LRBA: variants seen among roughly 807,000 people sequenced by gnomAD.
LRBA encodes lipopolysaccharide-responsive and beige-like anchor protein.
In LRBA, 176 loss-of-function variants were observed where a neutral mutation model predicts 330.0. The ratio of observed to expected loss-of-function variants is 0.53; its 90% confidence interval spans 0.47 to 0.60. The LOEUF (loss-of-function observed/expected upper bound fraction) is 0.60. Among genes scored for constraint, LRBA ranks in the 20% least tolerant of loss-of-function variants. LRBA has a pLI of 0.00. For missense variants in LRBA, 3,259 were observed against 3,444.8 expected, an observed-to-expected ratio of 0.95 and a Z score of 1.35; for synonymous variants, 1,230 against 1,193.0, an observed-to-expected ratio of 1.03 and a Z score of -0.64.
At chr4:150,572,810 T>C (rs1256242814) in intron 40 of LRBA, among the ~76,000 whole-genome samples, 1 of 152,144 alleles carries the variant, frequency 6.6e-6, no homozygotes, top group Non-Finnish European at 1.5e-5. Flanking sequence ...GCTACTGTTC[T>C]GGAGCTCATT....
chr4:150,644,321 C>G (rs878969772), intron 37 of LRBA, among the ~76,000 whole-genome samples: 1 of 151,814 alleles, frequency 6.6e-6, no homozygotes, highest in Non-Finnish European at 1.5e-5. Flanking sequence ...AACAAATTAT[C>G]TCATCAAAAC....
chr4:150,439,336 C>T (rs558802749), intron 44 of LRBA, among the ~76,000 whole-genome samples: 43 of 142,114 alleles, frequency 3.0e-4, no homozygotes, highest in South Asian at 1.3e-3. Flanking sequence ...TCACTAGCAT[C>T]TGAAAAAAAA....
intron 36 of LRBA, among the ~76,000 whole-genome samples, chr4:150,701,271 A>C (rs1367904206): frequency 1.3e-5 from 2 of 152,188 alleles, no homozygotes; most frequent in Non-Finnish European, 2.9e-5. Context: ...TACCTCTTGA[A>C]AGACCTGACT....
At chr4:150,648,158 CAAA>C in intron 37 of LRBA, among the ~76,000 whole-genome samples, 211 of 18,118 alleles carry the variant, frequency 0.012, 13 homozygotes, top group Admixed American at 0.043. Flanking sequence ...ACACAAGTAG[CAAA>C]AAAAAAAAAA....
chr4:150,322,698 A>G (rs1177395882), intron 49 of LRBA, among the ~76,000 whole-genome samples: 2 of 152,210 alleles, frequency 1.3e-5, no homozygotes, highest in Non-Finnish European at 1.5e-5. Context: ...AAGGCAACTA[A>G]TAAGCTACCC....
At chr4:150,669,861 C>T (rs1037627980) in intron 37 of LRBA, among the ~76,000 whole-genome samples, 1 of 152,060 alleles carries the variant, frequency 6.6e-6, no homozygotes, top group African/African-American at 2.4e-5. Context: ...CAACTGTGTC[C>T]GGCCAATATT....
At chr4:150,726,771 T>C (rs1037728645) in intron 36 of LRBA, among the ~76,000 whole-genome samples, 4 of 152,080 alleles carry the variant, frequency 2.6e-5, no homozygotes, top group African/African-American at 9.7e-5. Context: ...ATGGGGATCA[T>C]AGGTCCCTCC....
At chr4:150,842,569 C>A (rs1450995611) in intron 28 of LRBA, among the ~76,000 whole-genome samples, 1 of 152,112 alleles carries the variant, frequency 6.6e-6, no homozygotes, top group Non-Finnish European at 1.5e-5. Context: ...ACATTTGGTC[C>A]TCAAACTGAC....
chr4:150,769,165 G>A (rs566150335), intron 34 of LRBA, among the ~76,000 whole-genome samples: 18 of 151,702 alleles, frequency 1.2e-4, no homozygotes, highest in Admixed American at 4.6e-4. Flanking sequence ...GGCTGGTCTC[G>A]AACTCCTGAC....
intron 47 of LRBA, among the ~76,000 whole-genome samples, chr4:150,388,200 A>T (rs1347916318): frequency 6.6e-5 from 10 of 152,244 alleles, no homozygotes; most frequent in African/African-American, 2.4e-4. Flanking sequence ...CACCAGTTCT[A>T]CTGGAACAGG....
Position 150,908,727 on chromosome 4 carries a change from C to G in LRBA, c.1292G>C (p.Cys431Ser). The G allele has an allele frequency of 6.2e-7, 1 of 1,613,966 alleles. No individual in the cohort carries two copies. The change falls in exon 10 of 57, where the codon TGT becomes TCT. Residue 431 changes from cysteine (C) to serine (S), a missense_variant. Coordinates refer to ENST00000651943, the MANE Select transcript of LRBA (RefSeq NM_001364905.1). ...YNPRATDAQL[C>S]LESSPKDNPS... ...GTTGTCCTTAGGAGATGATTCAAGA[C>G]AAAGCTGGGCATCTGTAGCCCGTGG...
chr4:150,647,647 C>T (rs566759049), intron 37 of LRBA, among the ~76,000 whole-genome samples: 2 of 152,066 alleles, frequency 1.3e-5, no homozygotes, highest in East Asian at 1.9e-4. Context: ...AATTTTCCCA[C>T]CTCCTTAAAT....
intron 36 of LRBA, among the ~76,000 whole-genome samples, chr4:150,720,562 G>A (rs754732398): frequency 6.6e-6 from 1 of 151,962 alleles, no homozygotes; most frequent in Non-Finnish European, 1.5e-5. Context: ...AAGGATCAAA[G>A]AAAGTCAAGC....
intron 9 of LRBA, 54 bp from the exon 10 acceptor site, chr4:150,908,911 C>A: frequency 8.3e-7 from 1 of 1,208,834 alleles, no homozygotes; most frequent in South Asian, 1.4e-5. Flanking sequence ...AATCTAAGTA[C>A]AAATCAACAC....
intron 8 of LRBA, among the ~76,000 whole-genome samples, 194 bp from the exon 9 acceptor site, chr4:150,914,535 T>C (rs937746062): frequency 6.6e-6 from 1 of 152,142 alleles, no homozygotes; most frequent in African/African-American, 2.4e-5. Context: ...ATAGAAAAGT[T>C]TGAAACACAT....
At chr4:150,736,956 G>A (rs1731260546) in intron 35 of LRBA, among the ~76,000 whole-genome samples, 1 of 152,138 alleles carries the variant, frequency 6.6e-6, no homozygotes, top group Non-Finnish European at 1.5e-5. Flanking sequence ...GCTCACACCT[G>A]TAATCCCAGC....
At chr4:150,445,377 C>A (rs866667862) in intron 44 of LRBA, among the ~76,000 whole-genome samples, 176 of 78,594 alleles carry the variant, frequency 2.2e-3, no homozygotes, top group Non-Finnish European at 2.7e-3. Flanking sequence ...CTCTCTCTCT[C>A]TATATATATA....
chr4:150,547,393 TGAA>T (rs1215505433), intron 40 of LRBA, among the ~76,000 whole-genome samples: 1 of 152,240 alleles, frequency 6.6e-6, no homozygotes, highest in East Asian at 1.9e-4. Context: ...AAAGCAAAAG[TGAA>T]GAAAATTGAA....
chr4:150,812,827 T>C (rs1743956068), intron 31 of LRBA, among the ~76,000 whole-genome samples: 1 of 152,234 alleles, frequency 6.6e-6, no homozygotes, highest in Admixed American at 6.5e-5. Flanking sequence ...TGAGCTAGTT[T>C]CAATTTTGAT....
Sources: allele counts gnomAD v4.1 joint callset (sites outside exome capture counted in the v4.1 genomes callset), GRCh38; gene constraint gnomAD v4.1.1; transcripts MANE v1.5; gene names NCBI Gene and HGNC (gene_info 2026-07-23, HGNC 2026-07-21).